The following EXOC4 variants were observed in gnomAD, a reference collection of about 807,000 sequenced individuals.
The protein encoded by EXOC4 is exocyst complex component 4.
In EXOC4, 71 loss-of-function variants were observed where a neutral mutation model predicts 107.2. That is an observed-to-expected ratio of 0.66 (90% CI 0.55 to 0.81). EXOC4 has a LOEUF of 0.81. Among genes scored for constraint, EXOC4 ranks in the 30% least tolerant of loss-of-function variants. The pLI is 0.00. For synonymous variants in EXOC4, 456 were observed against 441.2 expected, an observed-to-expected ratio of 1.03 and a Z score of -0.42; for missense variants, 1,108 against 1,189.6, an observed-to-expected ratio of 0.93 and a Z score of 1.01.
At chr7:133,572,657 C>T (rs867513738) in intron 9 of EXOC4, among the ~76,000 whole-genome samples, 2 of 152,102 alleles carry the variant, frequency 1.3e-5, no homozygotes, top group South Asian at 4.1e-4. Context: ...TAACAAAAAT[C>T]GCTTTCATGA....
chr7:133,310,104 G>A (rs778054515), intron 4 of EXOC4, among the ~76,000 whole-genome samples: 6 of 152,112 alleles, frequency 3.9e-5, no homozygotes, highest in Non-Finnish European at 7.4e-5. Context: ...TTTTGTTTTC[G>A]ACTTTAATAA....
chr7:133,910,751 T>A (rs1799675351), intron 12 of EXOC4, among the ~76,000 whole-genome samples: 1 of 152,198 alleles, frequency 6.6e-6, no homozygotes, highest in Non-Finnish European at 1.5e-5. Context: ...GCACTTTACT[T>A]TGGACCAGTC....
rs1052756068 is a variant in EXOC4, at chr7:133,817,499, C to T, written c.1689C>T (p.Asn563=). ...KTSDPLKILA[N]ADTMKVLGVQ... ...CTGACCCTTTGAAGATTCTGGCCAACGCAGACACCATGAAGGTGCTGGGAG... is the reference window on the plus strand; with the variant it reads ...CTGACCCTTTGAAGATTCTGGCCAATGCAGACACCATGAAGGTGCTGGGAG... The change falls in exon 11 of 18, where the codon AAC becomes AAT. Residue 563 remains asparagine, a synonymous_variant. Coordinates refer to ENST00000253861, the MANE Select transcript of EXOC4 (RefSeq NM_021807.4). The T allele has an allele frequency of 8.1e-6, 13 of 1,613,996 alleles. No homozygotes were observed. The highest frequency in any genetic ancestry group is 3.3e-5 in the Admixed American group (2 of 60,002).
intron 10 of EXOC4, 51 bp downstream of exon 10, chr7:133,630,192 T>C: frequency 7.2e-7 from 1 of 1,392,088 alleles, no homozygotes; most frequent in South Asian, 1.2e-5. Context: ...TTTCATTATT[T>C]ATGCTGGTCT....
chr7:133,265,244 T>A (rs1793698785), intron 1 of EXOC4, among the ~76,000 whole-genome samples: 1 of 152,112 alleles, frequency 6.6e-6, no homozygotes, highest in Non-Finnish European at 1.5e-5. Context: ...AGTTTATGCT[T>A]AGTTTTTGCC....
At position 133,790,815 on chromosome 7, in the gene EXOC4, CAG is replaced by C. The variant is rs532969524; in HGVS notation, c.1515-26506_1515-26505del. Among the ~76,000 whole-genome samples, 14 of 152,326 alleles carry C rather than the reference CAG, an allele frequency of 9.2e-5. 1 individual carries two copies. In the East Asian group the frequency reaches 2.7e-3, roughly 29 times the overall value. On this transcript the variant is annotated intron_variant, in intron 10 of 17. Transcript: ENST00000253861. Reference sequence around the variant, plus strand: ...CTCTGGAACCTGCTTGTCAAATAAACAGAGAACATTCATTCTCAGGCATGTGG... The same window carrying C: ...CTCTGGAACCTGCTTGTCAAATAAACAGAACATTCATTCTCAGGCATGTGG...
intron 11 of EXOC4, among the ~76,000 whole-genome samples, chr7:133,841,068 T>A (rs140506415): frequency 6.6e-6 from 1 of 152,198 alleles, no homozygotes; most frequent in Non-Finnish European, 1.5e-5. Flanking sequence ...AAGTCCAAGA[T>A]CAAAGTGCTG....
At chr7:133,552,640 G>A (rs1289066449) in intron 9 of EXOC4, among the ~76,000 whole-genome samples, 3 of 152,086 alleles carry the variant, frequency 2.0e-5, no homozygotes, top group Non-Finnish European at 4.4e-5. Context: ...TAGAATGGGA[G>A]TAATGAGGAG....
At chr7:133,939,852 A>G (rs1800387902) in intron 14 of EXOC4, among the ~76,000 whole-genome samples, 1 of 152,198 alleles carries the variant, frequency 6.6e-6, no homozygotes, top group African/African-American at 2.4e-5. Context: ...CAGTTCTATT[A>G]CAAGCAGCAG....
chr7:133,975,162 GA>G (rs1339320625), intron 14 of EXOC4, among the ~76,000 whole-genome samples: 1 of 152,028 alleles, frequency 6.6e-6, no homozygotes, highest in African/African-American at 2.4e-5. Flanking sequence ...TTCAAATGAA[GA>G]TTAAAATAAG....
intron 8 of EXOC4, chr7:133,479,249 T>C (rs1322199271): frequency 6.6e-6 from 1 of 152,214 alleles, no homozygotes; most frequent in East Asian, 1.9e-4. Flanking sequence ...ATCTGTTTTT[T>C]TTCTTACTTG....
chr7:133,590,828 A>G (rs553220788), intron 9 of EXOC4, among the ~76,000 whole-genome samples: 13 of 152,324 alleles, frequency 8.5e-5, no homozygotes, highest in African/African-American at 3.1e-4. Context: ...ATGCCAAACG[A>G]GACCTTGGGA....
chr7:133,496,452 C>T (rs1799478972), intron 9 of EXOC4, among the ~76,000 whole-genome samples: 1 of 152,156 alleles, frequency 6.6e-6, no homozygotes, highest in African/African-American at 2.4e-5. Context: ...TAGGCTTGAG[C>T]CACTGCACCC....
chr7:133,544,062 A>G (rs1800433008), intron 9 of EXOC4, among the ~76,000 whole-genome samples: 1 of 152,144 alleles, frequency 6.6e-6, no homozygotes, highest in African/African-American at 2.4e-5. Flanking sequence ...TATTACATAC[A>G]TATATTTTTT....
intron 11 of EXOC4, among the ~76,000 whole-genome samples, chr7:133,848,120 C>G (rs1798169970): frequency 6.6e-6 from 1 of 151,916 alleles, no homozygotes; most frequent in South Asian, 2.1e-4. Flanking sequence ...TATGAGAGCC[C>G]CACACTGGGC....
At chr7:133,269,415 C>T (rs745537061) in intron 1 of EXOC4, among the ~76,000 whole-genome samples, 1 of 152,106 alleles carries the variant, frequency 6.6e-6, no homozygotes, top group Non-Finnish European at 1.5e-5. Flanking sequence ...GCCTCTGATT[C>T]CTTATCTGTA....
chr7:133,660,642 G>T (rs1445092178), intron 10 of EXOC4, among the ~76,000 whole-genome samples: 1 of 152,158 alleles, frequency 6.6e-6, no homozygotes, highest in Non-Finnish European at 1.5e-5. Flanking sequence ...TTAAACCTTT[G>T]AGTGAAATTT....
chr7:133,288,473 T>C (rs1415689446), intron 2 of EXOC4, among the ~76,000 whole-genome samples: 1 of 152,214 alleles, frequency 6.6e-6, no homozygotes, highest in African/African-American at 2.4e-5. Context: ...CTCTGTTTCT[T>C]GGTTTTAAAC....
At chr7:133,331,417 C>T (rs1037904389) in intron 5 of EXOC4, among the ~76,000 whole-genome samples, 5 of 150,234 alleles carry the variant, frequency 3.3e-5, no homozygotes, top group African/African-American at 1.2e-4. Context: ...ATATGAAAAA[C>T]TACTTATATT....
Sources: gnomAD v4.1 joint callset for allele counts (sites outside exome capture counted in the v4.1 genomes callset) on GRCh38, gnomAD v4.1.1 for gene constraint, MANE v1.5 for transcripts, NCBI Gene and HGNC (gene_info 2026-07-23, HGNC 2026-07-21) for gene names.